The following PPFIA1 variants were observed in gnomAD, a reference collection of about 807,000 sequenced individuals.
The protein encoded by PPFIA1 is liprin-alpha-1.
In PPFIA1, 25 loss-of-function variants were observed where a neutral mutation model predicts 149.9. The ratio of observed to expected loss-of-function variants is 0.17; its 90% CI spans 0.12 to 0.23. The LOEUF is 0.23. PPFIA1 is among the 10% of genes least tolerant of loss of function. The pLI, the probability that PPFIA1 is intolerant of heterozygous loss-of-function variation, is 1.00. For synonymous variants in PPFIA1, 549 were observed against 552.8 expected, an observed-to-expected ratio of 0.99 and a Z score of 0.10; for missense variants, 1,362 against 1,506.5, an observed-to-expected ratio of 0.90 and a Z score of 1.59.
intron 15 of PPFIA1, among the ~76,000 whole-genome samples, chr11:70,344,914 G>A (rs1396167625): frequency 2.6e-5 from 4 of 152,266 alleles, no homozygotes; most frequent in Non-Finnish European, 5.9e-5. Context: ...CACAGGAGCA[G>A]CAGAGCAGGA....
chr11:70,287,319 A>G (rs2136166464), intron 2 of PPFIA1, among the ~76,000 whole-genome samples: 1 of 151,894 alleles, frequency 6.6e-6, no homozygotes, highest in Admixed American at 6.6e-5. Context: ...TTTTTTTTGT[A>G]CAACTTTGTA....
At chr11:70,354,943 T>A (rs924433145) in intron 17 of PPFIA1, among the ~76,000 whole-genome samples, 3 of 152,122 alleles carry the variant, frequency 2.0e-5, no homozygotes, top group Non-Finnish European at 4.4e-5. Flanking sequence ...TGCTATCTTT[T>A]TTTTTCTTTT....
Position 70,362,226 on chromosome 11 carries a change from T to TA in PPFIA1, c.2664+51dup, listed in dbSNP as rs149404380. The TA allele has an allele frequency of 5.5e-3, 8,852 of 1,613,178 alleles. 445 individuals carry two copies. In the African/African-American group the frequency reaches 0.1, roughly 19 times the overall value. On this transcript the variant is annotated intron_variant, in intron 20 of 27. Coordinates refer to ENST00000253925, the MANE Select transcript of PPFIA1 (RefSeq NM_003626.5). ...TTGCGTGGGTTACAGTATGTGAACT[T>TA]ACTGTTCTACTTTGTAGACTGTACC...
At chr11:70,376,988 G>A (rs1468465115) in intron 25 of PPFIA1, among the ~76,000 whole-genome samples, 2 of 151,826 alleles carry the variant, frequency 1.3e-5, no homozygotes, top group Non-Finnish European at 2.9e-5. Context: ...CTGGAGAATC[G>A]CTTAAACCTG....
At chr11:70,337,265 C>A (rs1241342443) in intron 11 of PPFIA1, 100 bp from the exon 12 acceptor site, 1 of 796,846 alleles carries the variant, frequency 1.3e-6, no homozygotes, top group South Asian at 2.1e-5. Context: ...TTACTCCGTT[C>A]CCTTTGTGTG....
intron 2 of PPFIA1, among the ~76,000 whole-genome samples, chr11:70,291,108 C>T (rs532962771): frequency 1.3e-5 from 2 of 152,276 alleles, no homozygotes; most frequent in East Asian, 3.9e-4. Flanking sequence ...TGGTCTTGAA[C>T]TCCCGACCTC....
At chr11:70,295,444 AGTAG>A (rs1233542769) in intron 2 of PPFIA1, among the ~76,000 whole-genome samples, 2 of 130,916 alleles carry the variant, frequency 1.5e-5, no homozygotes, top group East Asian at 5.0e-4. Flanking sequence ...CTCACTTCCC[AGTAG>A]GGGCAGCCGG....
chr11:70,364,689 G>A (rs139652849), intron 21 of PPFIA1: 39 of 152,296 alleles, frequency 2.6e-4, no homozygotes, highest in African/African-American at 8.9e-4. Context: ...CAGTGTCTGA[G>A]CTCTTCCCTG....
At chr11:70,375,200 A>AC (rs1168823818) in intron 24 of PPFIA1, 107 bp downstream of exon 24, 11 of 407,566 alleles carry the variant, frequency 2.7e-5, no homozygotes, top group Non-Finnish European at 3.5e-5. Flanking sequence ...AAAAAAAAAA[A>AC]AACTTCAGAC....
intron 2 of PPFIA1, among the ~76,000 whole-genome samples, chr11:70,277,060 A>ATTTTTTTTTT (rs1555076271): frequency 1.2e-4 from 8 of 66,308 alleles, no homozygotes; most frequent in African/African-American, 7.0e-4. Flanking sequence ...ATATATATAT[A>ATTTTTTTTTT]TTTTTTTTTT....
At chr11:70,340,194 C>G (rs1472364650) in intron 14 of PPFIA1, among the ~76,000 whole-genome samples, 1 of 151,698 alleles carries the variant, frequency 6.6e-6, no homozygotes, top group African/African-American at 2.4e-5. Flanking sequence ...ATAGTCCCAG[C>G]TACTCAGGAG....
chr11:70,352,729 G>A (rs1157063302), intron 16 of PPFIA1, among the ~76,000 whole-genome samples: 25 of 132,588 alleles, frequency 1.9e-4, no homozygotes, highest in Admixed American at 1.8e-3. Flanking sequence ...GGAGGGGTGC[G>A]GAGGGCGGCG....
At chr11:70,330,461 G>T in intron 8 of PPFIA1, 142 bp downstream of exon 8, 1 of 658,288 alleles carries the variant, frequency 1.5e-6, no homozygotes, top group Non-Finnish European at 2.3e-6. Flanking sequence ...AAGACATGTG[G>T]GAGTTCCTTC....
At chr11:70,288,875 C>T (rs1384225052) in intron 2 of PPFIA1, among the ~76,000 whole-genome samples, 1 of 151,964 alleles carries the variant, frequency 6.6e-6, no homozygotes, top group Non-Finnish European at 1.5e-5. Flanking sequence ...TCATTCCTCT[C>T]AGGAGCCCTG....
At chr11:70,348,132 A>C in intron 15 of PPFIA1, 57 bp from the exon 16 acceptor site, 2 of 1,505,976 alleles carry the variant, frequency 1.3e-6, no homozygotes, top group Non-Finnish European at 1.8e-6. Flanking sequence ...TTTCTCATGC[A>C]AACACATTAA....
chr11:70,356,305 T>A lies in PPFIA1; in HGVS notation c.2582+51T>A, dbSNP rs149510630. On this transcript the variant is annotated intron_variant, in intron 19 of 27. Coordinates refer to ENST00000253925, the MANE Select transcript of PPFIA1 (RefSeq NM_003626.5). ...TCATTGAATGGTTTTCAGTTGTGCC[T>A]AAGCTCTAACTAGTGTTTGTTAATT... 200 of 1,408,602 alleles carry A rather than the reference T, an allele frequency of 1.4e-4. No homozygotes were observed. The East Asian group carries it at 4.4e-3, about 31-fold the overall frequency. The allele number at this position is 1,408,602 out of a possible 1,614,324, so 87.3% of individuals were successfully genotyped here. A position where few individuals can be genotyped will look rare whatever the true frequency, so the allele number is the denominator to read the frequency against.
chr11:70,353,518 C>T (rs1357649589), intron 16 of PPFIA1, among the ~76,000 whole-genome samples: 3 of 152,200 alleles, frequency 2.0e-5, no homozygotes, highest in African/African-American at 7.2e-5. Context: ...TGCCTAGACC[C>T]TGCAGGGGTG....
At chr11:70,300,857 G>A (rs544943798) in intron 2 of PPFIA1, among the ~76,000 whole-genome samples, 25 of 152,262 alleles carry the variant, frequency 1.6e-4, no homozygotes, top group Non-Finnish European at 2.2e-4. Context: ...AAATGCTACC[G>A]GCTTTAAGAA....
At chr11:70,369,725 G>A (rs1001477612) in intron 21 of PPFIA1, among the ~76,000 whole-genome samples, 12 of 152,158 alleles carry the variant, frequency 7.9e-5, no homozygotes, top group African/African-American at 2.7e-4. Context: ...TTTCATCTAA[G>A]TTGCTTAAAA....
Sources: allele counts gnomAD v4.1 joint callset (sites outside exome capture counted in the v4.1 genomes callset), GRCh38; gene constraint gnomAD v4.1.1; transcripts MANE v1.5; gene names NCBI Gene and HGNC (gene_info 2026-07-23, HGNC 2026-07-21).